The following PDLIM5 variants were observed in gnomAD, a reference collection of about 807,000 sequenced individuals.
The protein encoded by PDLIM5 is PDZ and LIM domain 5.
Under a neutral mutation model 64.2 loss-of-function variants are expected in PDLIM5, and 34 were observed. That is an observed-to-expected ratio of 0.53 (90% CI 0.40 to 0.71). The LOEUF is 0.71. Ranked by LOEUF, PDLIM5 falls within the 30% of genes least tolerant of loss-of-function variation. PDLIM5 has a pLI of 0.00. For missense variants in PDLIM5, 683 were observed against 733.6 expected (o/e 0.93, Z 0.80); for synonymous variants, 253 against 269.1 (o/e 0.94, Z 0.59).
At chr4:94,631,196 C>G (rs1365950879) in intron 8 of PDLIM5, among the ~76,000 whole-genome samples, 2 of 151,986 alleles carry the variant, frequency 1.3e-5, no homozygotes, top group Non-Finnish European at 2.9e-5. Context: ...AGCCACCACA[C>G]CTGGCCACAT....
At chr4:94,535,808 C>A (rs192367632) in intron 3 of PDLIM5, among the ~76,000 whole-genome samples, 5 of 149,106 alleles carry the variant, frequency 3.4e-5, no homozygotes, top group African/African-American at 1.2e-4. Flanking sequence ...GTGCTGGGCA[C>A]TGGCTTCTAA....
intron 3 of PDLIM5, among the ~76,000 whole-genome samples, chr4:94,572,544 A>G (rs1161564850): frequency 6.6e-6 from 1 of 152,224 alleles, no homozygotes; most frequent in Admixed American, 6.5e-5. Flanking sequence ...TGTTGAGCCC[A>G]TGCTAACTAA....
At chr4:94,577,543 G>T (rs1225197757) in intron 5 of PDLIM5, 2 of 296,650 alleles carry the variant, frequency 6.7e-6, no homozygotes, top group East Asian at 1.8e-4. Flanking sequence ...GTGAGGAAGA[G>T]AAACAGTATG....
chr4:94,663,369 C>T (rs1560774817), intron 12 of PDLIM5, among the ~76,000 whole-genome samples: 1 of 152,122 alleles, frequency 6.6e-6, no homozygotes, highest in Non-Finnish European at 1.5e-5. Flanking sequence ...TCTAATAAAG[C>T]TGTTCATTCT....
At chr4:94,586,324 T>C (rs1449865151) in intron 6 of PDLIM5, 84 bp from the exon 7 acceptor site, 8 of 723,282 alleles carry the variant, frequency 1.1e-5, no homozygotes, top group Middle Eastern at 7.8e-4. Context: ...GAACATTTGA[T>C]ATTGATTGGT....
intron 2 of PDLIM5, among the ~76,000 whole-genome samples, chr4:94,458,500 A>T (rs1257729371): frequency 6.6e-6 from 1 of 152,042 alleles, no homozygotes; most frequent in East Asian, 1.9e-4. Flanking sequence ...GTTTTTTTAA[A>T]CTTATTGTCC....
At chr4:94,660,952 T>G (rs907275261) in intron 11 of PDLIM5, among the ~76,000 whole-genome samples, 3 of 151,920 alleles carry the variant, frequency 2.0e-5, no homozygotes, top group Admixed American at 6.6e-5. Flanking sequence ...GTTTTGGTGG[T>G]GGGCACCTGT....
chr4:94,610,198 G>A (rs1323310797), intron 7 of PDLIM5: 42 of 1,525,616 alleles, frequency 2.8e-5, no homozygotes, highest in Non-Finnish European at 3.6e-5. Flanking sequence ...AGATTCTTTC[G>A]AAGGTTTTCG....
chr4:94,579,575 T>C, intron 5 of PDLIM5: 2 of 1,206,814 alleles, frequency 1.7e-6, no homozygotes, highest in Non-Finnish European at 1.2e-6. Context: ...ATATGGTGAT[T>C]TATATATGAG....
intron 3 of PDLIM5, among the ~76,000 whole-genome samples, chr4:94,536,672 A>G (rs755217440): frequency 6.6e-6 from 1 of 152,214 alleles, no homozygotes; most frequent in African/African-American, 2.4e-5. Flanking sequence ...TGCCTGATAA[A>G]TTTAGAAATC....
intron 7 of PDLIM5, among the ~76,000 whole-genome samples, chr4:94,609,258 G>A (rs1039216658): frequency 6.6e-6 from 1 of 152,042 alleles, no homozygotes; most frequent in Admixed American, 6.6e-5. Context: ...TTGATAAGTT[G>A]CACCCATAAA....
intron 2 of PDLIM5, among the ~76,000 whole-genome samples, chr4:94,520,476 G>A (rs542098732): frequency 1.3e-5 from 2 of 152,178 alleles, no homozygotes; most frequent in Non-Finnish European, 2.9e-5. Flanking sequence ...CAAAAAAAGA[G>A]CTATGCAAAT....
At chr4:94,559,746 G>A (rs2110235513) in intron 3 of PDLIM5, among the ~76,000 whole-genome samples, 1 of 152,278 alleles carries the variant, frequency 6.6e-6, no homozygotes, top group South Asian at 2.1e-4. Flanking sequence ...GTCTATGAAT[G>A]CAGCTGCTAC....
At chr4:94,626,288 A>G (rs1739689886) in intron 8 of PDLIM5, among the ~76,000 whole-genome samples, 1 of 142,646 alleles carries the variant, frequency 7.0e-6, no homozygotes, top group Admixed American at 7.1e-5. Context: ...TTGTTTTTGT[A>G]ATACTTTCAG....
intron 2 of PDLIM5, among the ~76,000 whole-genome samples, chr4:94,468,050 AG>A (rs1724529637): frequency 6.6e-6 from 1 of 152,230 alleles, no homozygotes; most frequent in Non-Finnish European, 1.5e-5. Context: ...ACCAATGCAA[AG>A]TTTTAATTAT....
chr4:94,527,288 C>A (rs1254639168), intron 3 of PDLIM5, among the ~76,000 whole-genome samples: 1 of 151,592 alleles, frequency 6.6e-6, no homozygotes, highest in African/African-American at 2.4e-5. Context: ...ATCTCTTGAC[C>A]CCGTGATCTG....
Position 94,662,485 on chromosome 4 carries a change from T to C in PDLIM5, c.1649T>C (p.Met550Thr), listed in dbSNP as rs1219674409. The change falls in exon 12 of 13, where the codon ATG becomes ACG. Residue 550 changes from methionine to threonine, a missense_variant. Coordinates refer to ENST00000317968, the MANE Select transcript of PDLIM5 (RefSeq NM_006457.5). ...GCEFPIEAGD[M>T]FLEALGYTWH... ...GAATTTCCCATAGAAGCTGGTGACA[T>C]GTTCCTGGAAGCTCTGGGCTACACC... 3.1e-6 allele frequency: 5 copies of C among 1,608,878 alleles called. No homozygotes were observed. The South Asian group carries it at 4.4e-5, about 14-fold the overall frequency.
At chr4:94,587,245 C>T (rs1403779527) in intron 7 of PDLIM5, 33 of 1,346,866 alleles carry the variant, frequency 2.5e-5, no homozygotes, top group Non-Finnish European at 3.0e-5. Flanking sequence ...GGAAGATGAA[C>T]ATGTTTTGTG....
chr4:94,473,683 TTTTG>T (rs1725077594), intron 2 of PDLIM5, among the ~76,000 whole-genome samples: 1 of 152,242 alleles, frequency 6.6e-6, no homozygotes, highest in Non-Finnish European at 1.5e-5. Flanking sequence ...ATAGTGGGTG[TTTTG>T]TTTGTTTTTG....
Sources: allele counts gnomAD v4.1 joint callset (sites outside exome capture counted in the v4.1 genomes callset), GRCh38; gene constraint gnomAD v4.1.1; transcripts MANE v1.5; gene names NCBI Gene and HGNC (gene_info 2026-07-23, HGNC 2026-07-21).